FSTL4: variants seen among roughly 807,000 people sequenced by gnomAD.
FSTL4 encodes follistatin like 4, also known as follistatin-related protein 4.
FSTL4 carries 28 observed loss-of-function variants against 78.2 expected under a neutral mutation model. The ratio of observed to expected loss-of-function variants is 0.36; its 90% CI spans 0.27 to 0.49. The LOEUF is 0.49. FSTL4 is among the 20% of genes least tolerant of loss of function. FSTL4 has a pLI of 0.98. For missense variants in FSTL4, 922 were observed against 1,084.9 expected (o/e 0.85, Z 2.11); for synonymous variants, 422 against 440.5 (o/e 0.96, Z 0.53).
intron 3 of FSTL4, among the ~76,000 whole-genome samples, chr5:133,483,436 C>T (rs549038193): frequency 1.3e-5 from 2 of 152,172 alleles, no homozygotes; most frequent in Non-Finnish European, 2.9e-5. Flanking sequence ...TCCTAGCACC[C>T]ATCCCAATAA....
intron 3 of FSTL4, among the ~76,000 whole-genome samples, chr5:133,526,418 A>C (rs1177838909): frequency 6.6e-6 from 1 of 152,162 alleles, no homozygotes; most frequent in Non-Finnish European, 1.5e-5. Flanking sequence ...ATCCATTCAC[A>C]AATAGGGAAA....
At position 133,425,863 on chromosome 5, in the gene FSTL4, C is replaced by T. The variant is rs529179265; in HGVS notation, c.161-24877G>A. On this transcript the variant is annotated intron_variant, in intron 3 of 15. Transcript: ENST00000265342. ...GTCCACTGCACGATAAGCCAAGTGG[C>T]GGAAGAAATCCAGAAGCTGGCTGGG... is the stretch of plus-strand genomic sequence containing the variant. 6.6e-5 allele frequency among the ~76,000 whole-genome samples: 10 copies of T among 152,254 alleles called. No individual in the cohort carries two copies. In the South Asian group the frequency reaches 1.0e-3, roughly 16 times the overall value.
At chr5:133,790,513 G>A in the FSTL4 span, among the ~76,000 whole-genome samples, 2 of 152,044 alleles carry the variant, frequency 1.3e-5, no homozygotes, top group Admixed American at 6.6e-5. Context: ...CCCCTCTTAC[G>A]GTTTTAACAC....
At chr5:133,640,031 T>C in the FSTL4 span, among the ~76,000 whole-genome samples, 1 of 152,212 alleles carries the variant, frequency 6.6e-6, no homozygotes, top group Admixed American at 6.5e-5. Flanking sequence ...ACCACAGTTA[T>C]GTTAAGCAAA....
At chr5:133,599,960 C>T (rs1159265963) in intron 2 of FSTL4, among the ~76,000 whole-genome samples, 1 of 152,222 alleles carries the variant, frequency 6.6e-6, no homozygotes, top group Non-Finnish European at 1.5e-5. Flanking sequence ...ACTTCTCACC[C>T]CTTCCTGGTT....
chr5:133,655,164 T>G, the FSTL4 span, among the ~76,000 whole-genome samples: 1 of 152,232 alleles, frequency 6.6e-6, no homozygotes, highest in Non-Finnish European at 1.5e-5. Context: ...AACCAGGCTC[T>G]AGACCTCAGG....
intron 6 of FSTL4, among the ~76,000 whole-genome samples, chr5:133,256,211 G>T (rs759963056): frequency 8.3e-4 from 126 of 152,296 alleles, no homozygotes; most frequent in Non-Finnish European, 1.5e-3. Context: ...CACAGGCCAG[G>T]CGCTTAGACA....
chr5:133,484,280 C>A (rs1444571715), intron 3 of FSTL4, among the ~76,000 whole-genome samples: 1 of 152,222 alleles, frequency 6.6e-6, no homozygotes, highest in Non-Finnish European at 1.5e-5. Context: ...CTTTAAGCAG[C>A]ATTTCATTGA....
intron 4 of FSTL4, among the ~76,000 whole-genome samples, chr5:133,399,489 T>C (rs1283545109): frequency 6.6e-6 from 1 of 152,074 alleles, no homozygotes; most frequent in Non-Finnish European, 1.5e-5. Context: ...CTGAGTGGAG[T>C]GGCCCATTAG....
chr5:133,344,417 T>A (rs17166619), intron 4 of FSTL4, among the ~76,000 whole-genome samples: 5,614 of 152,314 alleles, frequency 0.037, 250 homozygotes, highest in African/African-American at 0.11. Context: ...AACATTCTGA[T>A]GATGTAACCC....
the FSTL4 span, among the ~76,000 whole-genome samples, chr5:133,745,043 CCTT>C: frequency 6.6e-6 from 1 of 152,178 alleles, no homozygotes; most frequent in African/African-American, 2.4e-5. Flanking sequence ...CCGGATCTGG[CCTT>C]CTTCCCGTCT....
At chr5:133,288,733 A>G (rs1351742289) in intron 6 of FSTL4, among the ~76,000 whole-genome samples, 1 of 152,220 alleles carries the variant, frequency 6.6e-6, no homozygotes, top group Non-Finnish European at 1.5e-5. Context: ...GGTGCCTGTG[A>G]AAAGGGCTCT....
chr5:133,219,517 C>T (rs1751024129), intron 12 of FSTL4, among the ~76,000 whole-genome samples: 1 of 152,216 alleles, frequency 6.6e-6, no homozygotes, highest in African/African-American at 2.4e-5. Flanking sequence ...AAAAAGTAGA[C>T]ATCTAAGCCA....
intron 3 of FSTL4, among the ~76,000 whole-genome samples, chr5:133,436,808 C>A (rs748128611): frequency 2.6e-5 from 4 of 151,978 alleles, no homozygotes; most frequent in Admixed American, 6.6e-5. Context: ...GAAAAGAAAT[C>A]ACTCTGGTAT....
intron 14 of FSTL4, among the ~76,000 whole-genome samples, chr5:133,203,595 A>ATGAT (rs1359871850): frequency 1.3e-5 from 2 of 152,144 alleles, no homozygotes; most frequent in Non-Finnish European, 2.9e-5. Context: ...AAGAGGCCAA[A>ATGAT]TGATTACTTC....
chr5:133,226,553 C>T (rs1487271285), intron 8 of FSTL4, among the ~76,000 whole-genome samples: 1 of 152,208 alleles, frequency 6.6e-6, no homozygotes, highest in Non-Finnish European at 1.5e-5. Context: ...TCCCTCTTAC[C>T]CCTAGCTCTG....
chr5:133,325,072 C>T (rs1754173017), intron 4 of FSTL4, among the ~76,000 whole-genome samples: 1 of 152,216 alleles, frequency 6.6e-6, no homozygotes, highest in African/African-American at 2.4e-5. Context: ...CTGGGAATTG[C>T]TTCTGGAGAG....
chr5:133,298,567 C>T (rs1282741359), intron 6 of FSTL4, among the ~76,000 whole-genome samples: 1 of 152,244 alleles, frequency 6.6e-6, no homozygotes, highest in Non-Finnish European at 1.5e-5. Context: ...TGTTGTGTTG[C>T]TTCAATTTGG....
chr5:133,319,751 G>A (rs1474395292), intron 4 of FSTL4, among the ~76,000 whole-genome samples: 4 of 152,200 alleles, frequency 2.6e-5, no homozygotes, highest in Admixed American at 2.6e-4. Context: ...GGCCAAGCTT[G>A]CCACTGGGGT....
Sources: allele counts gnomAD v4.1 joint callset (sites outside exome capture counted in the v4.1 genomes callset), GRCh38; gene constraint gnomAD v4.1.1; transcripts MANE v1.5; gene names NCBI Gene and HGNC (gene_info 2026-07-23, HGNC 2026-07-21).